CTNNA3: variants seen among roughly 807,000 people sequenced by gnomAD.
CTNNA3 encodes catenin alpha-3.
In CTNNA3, 76 loss-of-function variants were observed where a neutral mutation model predicts 95.7. The ratio of observed to expected loss-of-function variants is 0.79; its 90% CI spans 0.66 to 0.96. The LOEUF is 0.96. Among genes scored for constraint, CTNNA3 ranks in the 40% least tolerant of loss-of-function variants. CTNNA3 has a pLI of 0.00. For synonymous variants in CTNNA3, 431 were observed against 374.4 expected, an observed-to-expected ratio of 1.15 and a Z score of -1.74; for missense variants, 1,191 against 1,089.8, an observed-to-expected ratio of 1.09 and a Z score of -1.31.
intron 17 of CTNNA3, among the ~76,000 whole-genome samples, chr10:65,965,225 T>C (rs1419858521): frequency 6.6e-6 from 1 of 152,126 alleles, no homozygotes; most frequent in Non-Finnish European, 1.5e-5. Flanking sequence ...AGAGGAATCA[T>C]AGACCTTTGA....
chr10:66,335,471 C>T (rs912272460), intron 12 of CTNNA3, among the ~76,000 whole-genome samples: 3 of 152,108 alleles, frequency 2.0e-5, no homozygotes, highest in Admixed American at 1.3e-4. Flanking sequence ...AGCTGCAGAT[C>T]TGTTGGAGTT....
chr10:66,480,093 A>C (rs567258872), intron 11 of CTNNA3, among the ~76,000 whole-genome samples: 1 of 152,280 alleles, frequency 6.6e-6, no homozygotes, highest in African/African-American at 2.4e-5. Context: ...TTTAGAAAAC[A>C]ATCCCAAATG....
chr10:66,705,394 T>A (rs895101494), intron 9 of CTNNA3, among the ~76,000 whole-genome samples: 1 of 152,062 alleles, frequency 6.6e-6, no homozygotes, highest in South Asian at 2.1e-4. Context: ...GTAGTTTCTC[T>A]GCTCAATTTT....
intron 2 of CTNNA3, among the ~76,000 whole-genome samples, chr10:67,607,586 A>G (rs1256996125): frequency 2.6e-5 from 4 of 152,092 alleles, no homozygotes; most frequent in Non-Finnish European, 4.4e-5. Context: ...CTTTTATTGA[A>G]AAAAAATCTG....
chr10:67,433,478 G>C (rs536614097), intron 5 of CTNNA3, among the ~76,000 whole-genome samples: 2 of 152,192 alleles, frequency 1.3e-5, no homozygotes, highest in South Asian at 2.1e-4. Flanking sequence ...TGGGAAAATG[G>C]AGCTGATACA....
At chr10:65,965,393 C>CTTTTTTTTTTTTTTTTTTT (rs561552884) in intron 17 of CTNNA3, among the ~76,000 whole-genome samples, 1 of 77,652 alleles carries the variant, frequency 1.3e-5, no homozygotes, top group African/African-American at 5.3e-5. Flanking sequence ...CTCCCCTCTA[C>CTTTTTTTTTTTTTTTTTTT]TTTTTTTTTT....
chr10:67,247,376 A>G (rs1865943864), intron 5 of CTNNA3, among the ~76,000 whole-genome samples: 1 of 152,216 alleles, frequency 6.6e-6, no homozygotes, highest in Admixed American at 6.5e-5. Flanking sequence ...AAAAATCTCA[A>G]ACTGAAATTA....
Position 66,567,629 on chromosome 10 carries a change from T to C in CTNNA3, c.1375-46856A>G, listed in dbSNP as rs186178267. On this transcript the variant is annotated intron_variant, in intron 10 of 17. Coordinates refer to ENST00000433211, the MANE Select transcript of CTNNA3 (RefSeq NM_013266.4). ...GCAAGTCTCTGTCTCGGGGAAAAAA[T>C]AAAATAAAAATAAACGAGAGAGAGA... is the stretch of plus-strand genomic sequence containing the variant. Among the ~76,000 whole-genome samples, 3 of 151,680 alleles carry C rather than the reference T, an allele frequency of 2.0e-5. No individual in the cohort carries two copies. In the East Asian group the frequency reaches 5.9e-4, roughly 30 times the overall value.
chr10:66,652,439 CAAAAGA>C (rs1306388959), intron 9 of CTNNA3, among the ~76,000 whole-genome samples: 3 of 151,798 alleles, frequency 2.0e-5, no homozygotes, highest in African/African-American at 7.2e-5. Context: ...CAGATTGAAT[CAAAAGA>C]AAGAGAAAAT....
chr10:66,697,831 TA>T lies in CTNNA3; in HGVS notation c.1281+68432del, dbSNP rs1370983963. On this transcript the variant is annotated intron_variant, in intron 9 of 17. Coordinates refer to ENST00000433211, the MANE Select transcript of CTNNA3 (RefSeq NM_013266.4). ...AGCTGCATAAGAGAGATATAGTGTA[TA>T]AACTGTGCTAGCATATTATCTTTGG... 2.0e-5 allele frequency among the ~76,000 whole-genome samples: 3 copies of T among 152,162 alleles called. No homozygotes were observed. The East Asian group carries it at 5.8e-4, about 29-fold the overall frequency.
At chr10:67,419,719 A>AT (rs1456114244) in intron 5 of CTNNA3, among the ~76,000 whole-genome samples, 2 of 152,234 alleles carry the variant, frequency 1.3e-5, no homozygotes, top group Non-Finnish European at 2.9e-5. Flanking sequence ...GGGAACATAC[A>AT]TGCCAATCTA....
chr10:67,105,061 G>A (rs1038479120), intron 7 of CTNNA3, among the ~76,000 whole-genome samples: 3 of 151,930 alleles, frequency 2.0e-5, no homozygotes, highest in Non-Finnish European at 4.4e-5. Flanking sequence ...ACATACCAAG[G>A]TAAGTGAAGG....
At chr10:66,453,506 T>C (rs951110386) in intron 11 of CTNNA3, among the ~76,000 whole-genome samples, 9 of 152,282 alleles carry the variant, frequency 5.9e-5, no homozygotes, top group African/African-American at 2.2e-4. Flanking sequence ...AGTAGGAAGA[T>C]GAGGGAGAAA....
intron 5 of CTNNA3, among the ~76,000 whole-genome samples, chr10:67,359,536 C>A (rs910413995): frequency 6.6e-5 from 10 of 152,020 alleles, no homozygotes; most frequent in Non-Finnish European, 1.0e-4. Flanking sequence ...TAAGAAAGAA[C>A]CAAACTGAAC....
intron 5 of CTNNA3, among the ~76,000 whole-genome samples, chr10:67,264,242 G>A (rs1866729193): frequency 6.6e-6 from 1 of 152,130 alleles, no homozygotes; most frequent in South Asian, 2.1e-4. Flanking sequence ...CAAAGCCCTG[G>A]CGGTAGGAAG....
At chr10:66,874,293 G>A (rs995870431) in intron 7 of CTNNA3, among the ~76,000 whole-genome samples, 3 of 152,106 alleles carry the variant, frequency 2.0e-5, no homozygotes, top group Non-Finnish European at 4.4e-5. Context: ...CATAATTGGA[G>A]GACCATTAGG....
chr10:66,988,545 G>A (rs1850860068), intron 7 of CTNNA3, among the ~76,000 whole-genome samples: 1 of 152,030 alleles, frequency 6.6e-6, no homozygotes, highest in African/African-American at 2.4e-5. Context: ...ATTTTATTCT[G>A]AATTTAAATC....
intron 7 of CTNNA3, among the ~76,000 whole-genome samples, chr10:67,142,681 C>G (rs1188616261): frequency 6.6e-6 from 1 of 152,194 alleles, no homozygotes; most frequent in Non-Finnish European, 1.5e-5. Flanking sequence ...CACCTGTAAT[C>G]CCAGCACTTT....
intron 3 of CTNNA3, among the ~76,000 whole-genome samples, chr10:67,582,049 C>T (rs892886011): frequency 2.0e-5 from 3 of 150,802 alleles, no homozygotes; most frequent in African/African-American, 7.3e-5. Flanking sequence ...TTTTTTGTGT[C>T]TCTATTTCCT....
Sources: gnomAD v4.1 joint callset for allele counts (sites outside exome capture counted in the v4.1 genomes callset) on GRCh38, gnomAD v4.1.1 for gene constraint, MANE v1.5 for transcripts, NCBI Gene and HGNC (gene_info 2026-07-23, HGNC 2026-07-21) for gene names.